Variants in CLEC16A observed in about 807,000 individuals in gnomAD.
The protein encoded by CLEC16A is C-type lectin domain containing 16A.
In CLEC16A, 51 loss-of-function variants were observed where a neutral mutation model predicts 109.5. The ratio of observed to expected loss-of-function variants is 0.47; its 90% CI spans 0.37 to 0.59. The LOEUF is 0.59. Among genes scored for constraint, CLEC16A ranks in the 20% least tolerant of loss-of-function variants. The probability of loss-of-function intolerance (pLI) is 0.00; values close to 1 mark genes in which losing one functional copy is unlikely to be tolerated. For synonymous variants in CLEC16A, 673 were observed against 564.2 expected (o/e 1.19, Z -2.73); for missense variants, 1,339 against 1,394.0 (o/e 0.96, Z 0.63).
chr16:11,133,338 C>CA (rs577277748), intron 22 of CLEC16A, among the ~76,000 whole-genome samples: 2,134 of 127,360 alleles, frequency 0.017, 30 homozygotes, highest in African/African-American at 0.041. Flanking sequence ...GACTCTGTCT[C>CA]AAAAAAAAAA....
At chr16:11,092,628 A>G (rs1597360450) in intron 19 of CLEC16A, among the ~76,000 whole-genome samples, 3 of 152,312 alleles carry the variant, frequency 2.0e-5, no homozygotes, top group African/African-American at 7.2e-5. Flanking sequence ...TTGCAAATAC[A>G]GATTTGAACA....
chr16:11,129,852 T>C (rs2053079780), intron 22 of CLEC16A, among the ~76,000 whole-genome samples: 1 of 149,104 alleles, frequency 6.7e-6, no homozygotes, highest in Non-Finnish European at 1.5e-5. Flanking sequence ...AAGCTCCGCC[T>C]CCCGGGTTCA....
chr16:11,081,328 C>T (rs2049703464), intron 19 of CLEC16A, among the ~76,000 whole-genome samples: 1 of 152,178 alleles, frequency 6.6e-6, no homozygotes, highest in Non-Finnish European at 1.5e-5. Context: ...CCACTCTACT[C>T]CCATCTCTAG....
chr16:11,120,847 A>G, intron 20 of CLEC16A, 81 bp downstream of exon 20: 1 of 1,173,038 alleles, frequency 8.5e-7, no homozygotes, highest in Non-Finnish European at 1.1e-6. Context: ...CACCACACAC[A>G]ATTGTCATCT....
At chr16:11,081,193 G>A (rs1455777739) in intron 19 of CLEC16A, among the ~76,000 whole-genome samples, 2 of 152,220 alleles carry the variant, frequency 1.3e-5, no homozygotes, top group Admixed American at 1.3e-4. Context: ...TGCAGCCCCG[G>A]TGCAGGGTGG....
At chr16:11,097,144 G>C (rs145456675) in intron 19 of CLEC16A, among the ~76,000 whole-genome samples, 1,526 of 152,202 alleles carry the variant, frequency 0.01, 34 homozygotes, top group African/African-American at 0.035. Context: ...TGAGAACGGC[G>C]GTAACCTAAA....
At chr16:11,019,927 A>G (rs1683590636) in intron 11 of CLEC16A, among the ~76,000 whole-genome samples, 1 of 152,252 alleles carries the variant, frequency 6.6e-6, no homozygotes, top group African/African-American at 2.4e-5. Flanking sequence ...AAACTCTCGA[A>G]ATAGAATAAA....
At chr16:11,069,052 C>G (rs991958346) in intron 19 of CLEC16A, among the ~76,000 whole-genome samples, 2 of 149,282 alleles carry the variant, frequency 1.3e-5, no homozygotes, top group African/African-American at 2.5e-5. Context: ...ATGCTGGTCT[C>G]AAACTCCTGG....
intron 22 of CLEC16A, among the ~76,000 whole-genome samples, chr16:11,131,519 G>A (rs2053205658): frequency 6.6e-6 from 1 of 152,210 alleles, no homozygotes; most frequent in Admixed American, 6.5e-5. Flanking sequence ...TTACCCTGGT[G>A]GGTTGGTGGG....
chr16:11,116,713 T>G (rs2052020609), intron 19 of CLEC16A, among the ~76,000 whole-genome samples: 1 of 152,218 alleles, frequency 6.6e-6, no homozygotes, highest in African/African-American at 2.4e-5. Flanking sequence ...GGAGAATGCA[T>G]GAGCCCAGTT....
At chr16:11,031,250 C>G (rs2046725597) in intron 13 of CLEC16A, among the ~76,000 whole-genome samples, 1 of 152,186 alleles carries the variant, frequency 6.6e-6, no homozygotes, top group African/African-American at 2.4e-5. Flanking sequence ...CAGCTTGTAG[C>G]TCAGGGCTTC....
chr16:11,151,576 A>G (rs1204639405), intron 22 of CLEC16A, among the ~76,000 whole-genome samples: 1 of 152,216 alleles, frequency 6.6e-6, no homozygotes, highest in East Asian at 1.9e-4. Context: ...GTAGCTCAAA[A>G]TGTCTGTTTG....
chr16:11,102,233 C>A (rs1420081595), intron 19 of CLEC16A, among the ~76,000 whole-genome samples: 1 of 152,232 alleles, frequency 6.6e-6, no homozygotes, highest in East Asian at 1.9e-4. Context: ...GTATTACACA[C>A]AGCTGTGCTG....
Position 11,175,048 on chromosome 16 carries a change from C to G in CLEC16A, c.2807-3287C>G, listed in dbSNP as rs538416289. 9.2e-5 allele frequency among the ~76,000 whole-genome samples: 14 copies of G among 152,372 alleles called. No homozygotes were observed. In the South Asian group the frequency reaches 1.2e-3, roughly 14 times the overall value. On this transcript the variant is annotated intron_variant, in intron 23 of 23. Coordinates refer to ENST00000409790, the MANE Select transcript of CLEC16A (RefSeq NM_015226.3). ...GTGTTGAAATCCTATTTTCTCTGAG[C>G]TTTGCCCTCCACTTGCTCTACAGGT...
chr16:10,969,138 G>C (rs749289914), intron 3 of CLEC16A, 23 bp from the exon 4 acceptor site: 8 of 1,592,234 alleles, frequency 5.0e-6, no homozygotes, highest in South Asian at 1.1e-5. Flanking sequence ...GAGTTAACCT[G>C]TTTTGTTTTT....
chr16:10,991,310 G>A (rs763155488), intron 10 of CLEC16A, among the ~76,000 whole-genome samples: 2 of 151,434 alleles, frequency 1.3e-5, no homozygotes, highest in Non-Finnish European at 2.9e-5. Context: ...TTGGTATCTG[G>A]AGGAAGAGCA....
intron 8 of CLEC16A, among the ~76,000 whole-genome samples, chr16:10,977,856 C>G (rs939816859): frequency 6.6e-6 from 1 of 152,122 alleles, no homozygotes; most frequent in African/African-American, 2.4e-5. Context: ...CTTTCCTTTC[C>G]TTTCCTTTCC....
At chr16:11,018,747 T>TAAAAAAA (rs2045917066) in intron 11 of CLEC16A, among the ~76,000 whole-genome samples, 1 of 52,350 alleles carries the variant, frequency 1.9e-5, no homozygotes, top group Non-Finnish European at 3.4e-5. Flanking sequence ...AGACTCCATC[T>TAAAAAAA]CAAAAAAAAA....
At chr16:11,137,277 G>GC (rs1359792685) in intron 22 of CLEC16A, among the ~76,000 whole-genome samples, 1 of 151,952 alleles carries the variant, frequency 6.6e-6, no homozygotes, top group Non-Finnish European at 1.5e-5. Flanking sequence ...AGGTGTGAAG[G>GC]CCCCTTTATG....
Sources: gnomAD v4.1 joint callset for allele counts (sites outside exome capture counted in the v4.1 genomes callset) on GRCh38, gnomAD v4.1.1 for gene constraint, MANE v1.5 for transcripts, NCBI Gene and HGNC (gene_info 2026-07-23, HGNC 2026-07-21) for gene names.